SDK1: variants seen among roughly 807,000 people sequenced by gnomAD.
The protein encoded by SDK1 is sidekick cell adhesion molecule 1.
In SDK1, 157 loss-of-function variants were observed where a neutral mutation model predicts 245.5. That is an observed-to-expected ratio of 0.64 (90% CI 0.56 to 0.73). SDK1 has a LOEUF of 0.73. Ranked by LOEUF, SDK1 falls within the 30% of genes least tolerant of loss-of-function variation. The pLI is 0.00. For synonymous variants in SDK1, 1,647 were observed against 1,278.5 expected (o/e 1.29, Z -6.15); for missense variants, 3,583 against 3,002.3 (o/e 1.19, Z -4.52).
chr7:3,630,450 A>C (rs913602627), intron 2 of SDK1, among the ~76,000 whole-genome samples: 1 of 152,242 alleles, frequency 6.6e-6, no homozygotes, highest in Non-Finnish European at 1.5e-5. Flanking sequence ...GTGTACTAGC[A>C]AACAAATCTG....
chr7:3,551,034 G>C (rs893420867), intron 1 of SDK1, among the ~76,000 whole-genome samples: 1 of 152,168 alleles, frequency 6.6e-6, no homozygotes. Flanking sequence ...AGAAGGTTAG[G>C]AGAAAGATTA....
intron 30 of SDK1, among the ~76,000 whole-genome samples, chr7:4,152,013 TTAG>T (rs1384961751): frequency 6.6e-6 from 1 of 152,180 alleles, no homozygotes; most frequent in Non-Finnish European, 1.5e-5. Flanking sequence ...CAGTCTCCCC[TTAG>T]TAGCTGCGTG....
chr7:3,331,557 A>G (rs535932079), intron 1 of SDK1, among the ~76,000 whole-genome samples: 3 of 152,102 alleles, frequency 2.0e-5, no homozygotes, highest in Admixed American at 6.5e-5. Flanking sequence ...ATGATTTTCA[A>G]TCTGTGGGTC....
At chr7:3,901,572 A>G (rs1005705159) in intron 5 of SDK1, among the ~76,000 whole-genome samples, 15 of 152,156 alleles carry the variant, frequency 9.9e-5, no homozygotes, top group African/African-American at 3.4e-4. Context: ...GAGTGTGATT[A>G]TTAAGCTAAA....
At chr7:3,348,536 T>G (rs1490141968) in intron 1 of SDK1, among the ~76,000 whole-genome samples, 1 of 152,080 alleles carries the variant, frequency 6.6e-6, no homozygotes, top group Non-Finnish European at 1.5e-5. Flanking sequence ...CAGTAGACAC[T>G]TGAGACTACT....
chr7:4,192,994 T>C (rs1439633216), intron 35 of SDK1, among the ~76,000 whole-genome samples: 1 of 144,688 alleles, frequency 6.9e-6, no homozygotes, highest in Non-Finnish European at 1.5e-5. Context: ...CAATAGGCTA[T>C]ATATAAATAT....
At position 3,938,645 on chromosome 7, in the gene SDK1, C is replaced by CAA. The variant is rs559065786; in HGVS notation, c.848-12264_848-12263dup. Reference sequence around the variant, plus strand: ...TGGGCGACAGAGTGAGACTCCGTCTCAAAAAAAAAAAAAAAGAGATCCTCA... The same window carrying CAA: ...TGGGCGACAGAGTGAGACTCCGTCTCAAAAAAAAAAAAAAAAAGAGATCCTCA... On this transcript the variant is annotated intron_variant, in intron 5 of 44. Coordinates refer to ENST00000404826, the MANE Select transcript of SDK1 (RefSeq NM_152744.4). Among the ~76,000 whole-genome samples the CAA allele has an allele frequency of 2.6e-4, 24 of 90,582 alleles. 2 individuals are homozygous for CAA. The highest frequency in any genetic ancestry group is 1.0e-3 in the African/African-American group (19 of 18,644). 59.4% of individuals were successfully genotyped at this position (90,582 alleles called of 152,430 possible).
At chr7:3,489,925 A>G (rs906392137) in intron 1 of SDK1, among the ~76,000 whole-genome samples, 7 of 152,232 alleles carry the variant, frequency 4.6e-5, no homozygotes, top group African/African-American at 1.7e-4. Context: ...GATATTGCCA[A>G]TTACACATAA....
chr7:3,592,264 C>T (rs1025593956), intron 1 of SDK1, among the ~76,000 whole-genome samples: 4 of 152,120 alleles, frequency 2.6e-5, no homozygotes, highest in Non-Finnish European at 5.9e-5. Context: ...AGCTATCTAT[C>T]GTAAAAGATT....
intron 5 of SDK1, among the ~76,000 whole-genome samples, chr7:3,928,597 T>C (rs1779859050): frequency 6.6e-6 from 1 of 152,090 alleles, no homozygotes; most frequent in South Asian, 2.1e-4. Flanking sequence ...CCAGCAGGAC[T>C]TGTGGGACTT....
intron 1 of SDK1, among the ~76,000 whole-genome samples, chr7:3,315,938 A>G (rs923288883): frequency 5.3e-5 from 8 of 152,180 alleles, no homozygotes; most frequent in African/African-American, 1.9e-4. Flanking sequence ...CATTATAAGA[A>G]TAAAAAACTC....
intron 19 of SDK1, among the ~76,000 whole-genome samples, chr7:4,058,878 C>T (rs1313029435): frequency 3.3e-5 from 5 of 152,100 alleles, no homozygotes; most frequent in African/African-American, 1.2e-4. Context: ...AGTGAAAGAA[C>T]AATATCTACC....
At chr7:3,971,705 G>C in intron 12 of SDK1, 137 bp downstream of exon 12, 3 of 676,710 alleles carry the variant, frequency 4.4e-6, no homozygotes, top group Non-Finnish European at 5.3e-6. Flanking sequence ...TCTTCTGGTT[G>C]TGGGCACCGT....
intron 13 of SDK1, among the ~76,000 whole-genome samples, chr7:3,978,830 G>T (rs1055454321): frequency 1.3e-5 from 2 of 152,186 alleles, no homozygotes; most frequent in Non-Finnish European, 2.9e-5. Flanking sequence ...CTTCAGAGGA[G>T]CCTGAAAGCC....
chr7:3,525,928 T>C (rs545716410), intron 1 of SDK1, among the ~76,000 whole-genome samples: 1 of 152,314 alleles, frequency 6.6e-6, no homozygotes, highest in Non-Finnish European at 1.5e-5. Context: ...AATATAGCTC[T>C]ACTCTCAGGT....
chr7:3,927,633 C>G (rs532356472), intron 5 of SDK1, among the ~76,000 whole-genome samples: 41 of 152,284 alleles, frequency 2.7e-4, no homozygotes, highest in African/African-American at 8.7e-4. Context: ...CAAATTCAGC[C>G]AACAGCTGCT....
intron 5 of SDK1, among the ~76,000 whole-genome samples, chr7:3,861,967 C>G (rs533138513): frequency 6.6e-6 from 1 of 152,330 alleles, no homozygotes; most frequent in South Asian, 2.1e-4. Flanking sequence ...CTAGAAGACT[C>G]TAGTGACCCT....
At chr7:3,894,927 T>A (rs1187340696) in intron 5 of SDK1, among the ~76,000 whole-genome samples, 2 of 152,022 alleles carry the variant, frequency 1.3e-5, no homozygotes, top group African/African-American at 4.8e-5. Context: ...GTGATCTGCC[T>A]GCTTTGGCCT....
intron 1 of SDK1, among the ~76,000 whole-genome samples, chr7:3,435,098 C>T (rs80236499): frequency 0.024 from 3,657 of 152,076 alleles, 80 homozygotes; most frequent in Non-Finnish European, 0.039. Context: ...GCAACTTGTT[C>T]AGCTTCAAAT....
Sources: allele counts gnomAD v4.1 joint callset (sites outside exome capture counted in the v4.1 genomes callset), GRCh38; gene constraint gnomAD v4.1.1; transcripts MANE v1.5; gene names NCBI Gene and HGNC (gene_info 2026-07-23, HGNC 2026-07-21).